The following AGMO variants were observed in gnomAD, a reference collection of about 807,000 sequenced individuals.
The protein encoded by AGMO is glyceryl-ether monooxygenase.
Under a neutral mutation model 60.2 loss-of-function variants are expected in AGMO, and 75 were observed. The observed-to-expected ratio is 1.25, with a 90% CI of 1.03 to 1.51. The LOEUF is 1.51. Among genes scored for constraint, AGMO ranks in the 40% most tolerant of loss-of-function variants. AGMO has a pLI of 0.00. For synonymous variants in AGMO, 261 were observed against 177.1 expected (o/e 1.47, Z -3.76); for missense variants, 763 against 525.5 (o/e 1.45, Z -4.42).
At chr7:15,302,533 A>T (rs889663391) in intron 12 of AGMO, among the ~76,000 whole-genome samples, 1 of 152,204 alleles carries the variant, frequency 6.6e-6, no homozygotes, top group African/African-American at 2.4e-5. Context: ...CAGAAATTAA[A>T]ATGCAAAGGT....
At chr7:15,491,919 G>GTAT (rs1462005962) in intron 3 of AGMO, among the ~76,000 whole-genome samples, 2 of 152,148 alleles carry the variant, frequency 1.3e-5, no homozygotes, top group Admixed American at 1.3e-4. Context: ...GAGAAGGAAG[G>GTAT]TATTGTCTTG....
chr7:15,136,009 T>A, the AGMO span, among the ~76,000 whole-genome samples: 5 of 150,762 alleles, frequency 3.3e-5, no homozygotes, highest in African/African-American at 1.2e-4. Context: ...TTTTTGTTTT[T>A]TGAGACGGAG....
chr7:15,198,851 G>C (rs1378729625), downstream of AGMO, among the ~76,000 whole-genome samples: 1 of 152,104 alleles, frequency 6.6e-6, no homozygotes, highest in African/African-American at 2.4e-5. Flanking sequence ...CCAATCTGAG[G>C]TTTCACAATA....
the AGMO span, among the ~76,000 whole-genome samples, chr7:15,137,636 G>C: frequency 6.6e-6 from 1 of 152,132 alleles, no homozygotes; most frequent in African/African-American, 2.4e-5. Flanking sequence ...ATAATGGATG[G>C]GTTGATTTTT....
intron 12 of AGMO, among the ~76,000 whole-genome samples, chr7:15,363,603 T>TAC (rs146273629): frequency 4.8e-4 from 73 of 152,256 alleles, no homozygotes; most frequent in Non-Finnish European, 9.6e-4. Context: ...CCATTTACTT[T>TAC]TATCTATTAA....
chr7:15,139,354 G>T, the AGMO span, among the ~76,000 whole-genome samples: 4,033 of 152,108 alleles, frequency 0.027, 205 homozygotes, highest in African/African-American at 0.092. Flanking sequence ...TTCTGATGTT[G>T]TATTCTTTCT....
At chr7:15,388,297 C>T (rs573977673) in intron 8 of AGMO, among the ~76,000 whole-genome samples, 1 of 152,228 alleles carries the variant, frequency 6.6e-6, no homozygotes, top group African/African-American at 2.4e-5. Flanking sequence ...TTATATCCTA[C>T]TGCTCAAGGT....
the AGMO span, among the ~76,000 whole-genome samples, chr7:15,190,219 ATATATATATATT>A: frequency 3.5e-4 from 2 of 5,796 alleles, no homozygotes; most frequent in Admixed American, 1.7e-3. Context: ...ATATATATAT[ATATATATATATT>A]TATATATATA....
At chr7:15,235,345 A>T (rs934751803) in intron 12 of AGMO, among the ~76,000 whole-genome samples, 3 of 152,070 alleles carry the variant, frequency 2.0e-5, no homozygotes, top group African/African-American at 7.2e-5. Context: ...ATTTTGAGAG[A>T]ATGGCGAATG....
intron 12 of AGMO, among the ~76,000 whole-genome samples, chr7:15,286,610 C>A (rs1784107926): frequency 6.6e-6 from 1 of 152,046 alleles, no homozygotes; most frequent in South Asian, 2.1e-4. Flanking sequence ...AGGGAATGCT[C>A]ATACACTGCT....
At chr7:15,415,751 C>A (rs949868935) in intron 5 of AGMO, among the ~76,000 whole-genome samples, 1 of 152,068 alleles carries the variant, frequency 6.6e-6, no homozygotes, top group Non-Finnish European at 1.5e-5. Context: ...ACCCAAATAA[C>A]ACCTGACATC....
Position 15,472,100 on chromosome 7 carries a change from A to T in AGMO, c.410-40992T>A, listed in dbSNP as rs533428520. On this transcript the variant is annotated intron_variant, in intron 3 of 12. Coordinates refer to ENST00000342526, the MANE Select transcript of AGMO (RefSeq NM_001004320.2). ...TTTGAAAGGTGTATTAAATTCTATC[A>T]TCTCATGGTAGACATTAAACTCCTT... Among the ~76,000 whole-genome samples the T allele has an allele frequency of 4.6e-5, 7 of 152,046 alleles. 2 individuals carry two copies. In the South Asian group the frequency reaches 1.4e-3, roughly 31 times the overall value.
chr7:15,183,984 CA>C, the AGMO span, among the ~76,000 whole-genome samples: 2 of 152,108 alleles, frequency 1.3e-5, no homozygotes, highest in African/African-American at 4.8e-5. Flanking sequence ...TTTAATTAGG[CA>C]GAAATACTCA....
intron 3 of AGMO, among the ~76,000 whole-genome samples, chr7:15,477,415 G>A (rs1235099396): frequency 6.6e-6 from 1 of 152,054 alleles, no homozygotes; most frequent in African/African-American, 2.4e-5. Flanking sequence ...ATCGTATCAT[G>A]TTTCAAGGTG....
chr7:15,387,417 C>G lies in AGMO; in HGVS notation c.946G>C (p.Glu316Gln). The G allele has an allele frequency of 6.2e-7, 1 of 1,612,850 alleles. No individual in the cohort carries two copies. Among genetic ancestry groups the G allele is most frequent in the Non-Finnish European group, 8.5e-7 (1 of 1,179,712 alleles). ...TGAACTCTATTTACCTCTGGAATTTCTTCACTGAGACCAAGTCTTGGTTTA... is the reference window on the plus strand; with the variant it reads ...TGAACTCTATTTACCTCTGGAATTTGTTCACTGAGACCAAGTCTTGGTTTA... Reference protein sequence around the residue: ...PGKPRLGLSEEIPEVTGKEVP... With the variant: ...PGKPRLGLSEQIPEVTGKEVP... Residue 316 changes from glutamate to glutamine, a missense_variant, in exon 9 of 13, where the codon GAA (glutamate) becomes CAA (glutamine). Coordinates refer to ENST00000342526, the MANE Select transcript of AGMO (RefSeq NM_001004320.2).
chr7:15,295,908 A>T (rs1460155433), intron 12 of AGMO, among the ~76,000 whole-genome samples: 1 of 152,178 alleles, frequency 6.6e-6, no homozygotes, highest in Non-Finnish European at 1.5e-5. Context: ...GCTCAATGTT[A>T]TCCTTATACA....
rs1436556089 is a variant in AGMO at position 15,365,682 on chromosome 7, ATAAT to A, written c.1158-67_1158-64del. The A allele has an allele frequency of 4.2e-5, 46 of 1,084,606 alleles. No homozygotes were observed. The Middle Eastern group carries it at 1.4e-3, about 33-fold the overall frequency. The allele number at this position is 1,084,606 out of a possible 1,614,324, so 67.2% of individuals were successfully genotyped here. On this transcript the variant is annotated intron_variant, in intron 11 of 12. Coordinates refer to ENST00000342526, the MANE Select transcript of AGMO (RefSeq NM_001004320.2). Reference sequence around the variant, plus strand: ...TATGCTCTTTATATGTTCACATGTTATAATTAATATAAACTTCTCATTCTCAAGA... The same window carrying A: ...TATGCTCTTTATATGTTCACATGTTATAATATAAACTTCTCATTCTCAAGA...
At chr7:15,232,156 G>A (rs1232425624) in intron 12 of AGMO, among the ~76,000 whole-genome samples, 4 of 152,190 alleles carry the variant, frequency 2.6e-5, no homozygotes, top group Middle Eastern at 3.4e-3. Flanking sequence ...TCTTTTCAAT[G>A]CAAGAAATCT....
At chr7:15,322,487 A>AATATATATAAATATATAAAT (rs1781146027) in intron 12 of AGMO, among the ~76,000 whole-genome samples, 1 of 85,440 alleles carries the variant, frequency 1.2e-5, no homozygotes, top group Non-Finnish European at 2.1e-5. Flanking sequence ...TATATATATA[A>AATATATATAAATATATAAAT]ATATATATAA....
Sources: allele counts gnomAD v4.1 joint callset (sites outside exome capture counted in the v4.1 genomes callset), GRCh38; gene constraint gnomAD v4.1.1; transcripts MANE v1.5; gene names NCBI Gene and HGNC (gene_info 2026-07-23, HGNC 2026-07-21).